EPG5: variants seen among roughly 807,000 people sequenced by gnomAD.
EPG5 encodes ectopic P granules protein 5 homolog.
Under a neutral mutation model 302.7 loss-of-function variants are expected in EPG5, and 159 were observed. That is an observed-to-expected ratio of 0.53 (90% CI 0.46 to 0.60). The LOEUF is 0.60. Ranked by LOEUF, EPG5 falls within the 20% of genes least tolerant of loss-of-function variation. The pLI is 0.00. For missense variants in EPG5, 2,896 were observed against 3,092.4 expected (o/e 0.94, Z 1.51); for synonymous variants, 1,158 against 1,136.8 (o/e 1.02, Z -0.37).
At chr18:45,927,448 A>G (rs527469255) in intron 13 of EPG5, among the ~76,000 whole-genome samples, 4 of 152,328 alleles carry the variant, frequency 2.6e-5, no homozygotes, top group Admixed American at 6.5e-5. Flanking sequence ...CAGCAATTCT[A>G]CTTCTCACAT....
Position 45,865,690 on chromosome 18 carries a change from C to T in EPG5, c.6691G>A (p.Gly2231Arg), listed in dbSNP as rs1568101761. The change falls in exon 39 of 44, where the codon GGA (glycine) becomes AGA (arginine). Residue 2231 changes from glycine (G) to arginine (R), a missense_variant. By Grantham distance (125) the Gly-to-Arg change is moderately radical (BLOSUM62 -2). Coordinates refer to ENST00000282041, the MANE Select transcript of EPG5 (RefSeq NM_020964.3). ...TCTAGGACTGCTAAGGTGATTTTTC[C>T]ATTTTGTTCCAGGGTGCTGAGGAAT... is the stretch of plus-strand genomic sequence containing the variant. Reference protein sequence around the residue: ...VQFLSTLEQNGKITLAVLEQE... With the variant: ...VQFLSTLEQNRKITLAVLEQE... 6 of 1,613,068 alleles carry T rather than the reference C, an allele frequency of 3.7e-6. No individual in the cohort carries two copies. Among genetic ancestry groups the T allele is most frequent in the Non-Finnish European group, 5.1e-6 (6 of 1,179,906 alleles).
At chr18:45,918,561 C>T (rs7234750) in intron 16 of EPG5, among the ~76,000 whole-genome samples, 38,918 of 151,866 alleles carry the variant, frequency 0.26, 6,041 homozygotes, top group African/African-American at 0.41. Flanking sequence ...ATCTCAAATA[C>T]GGAAAAAAAT....
chr18:45,810,379 C>T, the EPG5 span, among the ~76,000 whole-genome samples: 2 of 152,200 alleles, frequency 1.3e-5, no homozygotes, highest in South Asian at 4.1e-4. Flanking sequence ...CCAGCATCAT[C>T]CTAACACCAC....
At chr18:45,838,860 C>T in the EPG5 span, 2 of 1,580,316 alleles carry the variant, frequency 1.3e-6, no homozygotes. Context: ...CCGTGCGGAG[C>T]CCGCGTGAGG....
intron 6 of EPG5, 122 bp from the exon 7 acceptor site, chr18:45,946,890 G>C: frequency 1.3e-6 from 1 of 781,142 alleles, no homozygotes; most frequent in Non-Finnish European, 2.1e-6. Context: ...GTTTAAATTA[G>C]TGAATAAGAA....
At chr18:45,820,324 A>T in the EPG5 span, among the ~76,000 whole-genome samples, 4 of 152,162 alleles carry the variant, frequency 2.6e-5, no homozygotes, top group African/African-American at 7.2e-5. Flanking sequence ...ACCTCACTCA[A>T]GTTCCCCATG....
rs57761448 is a variant in EPG5 at position 45,852,660 on chromosome 18, C to T, written c.7558-11G>A. The T allele has an allele frequency of 0.11, 169,262 of 1,610,974 alleles. 9,480 individuals are homozygous for T. The highest frequency in any genetic ancestry group is 0.15 in the East Asian group (6,689 of 44,844). On this transcript the variant is annotated splice_polypyrimidine_tract_variant and intron_variant, in intron 43 of 43. Coordinates refer to ENST00000282041, the MANE Select transcript of EPG5 (RefSeq NM_020964.3). Reference sequence around the variant, plus strand: ...AAGAGCATTCAGAGCCTAAAAGACACGGAAGATGAGAGGGTTAACTCCATA... The same window carrying T: ...AAGAGCATTCAGAGCCTAAAAGACATGGAAGATGAGAGGGTTAACTCCATA...
chr18:45,935,365 A>G (rs1180053201), intron 10 of EPG5, among the ~76,000 whole-genome samples: 1 of 152,202 alleles, frequency 6.6e-6, no homozygotes, highest in Non-Finnish European at 1.5e-5. Context: ...CAACATGGTG[A>G]AACCCCATCT....
intron 14 of EPG5, 84 bp from the exon 15 acceptor site, chr18:45,923,471 T>G (rs2050200788): frequency 2.1e-6 from 3 of 1,412,968 alleles, no homozygotes; most frequent in African/African-American, 2.9e-5. Flanking sequence ...TTAGGCAGAA[T>G]AGTAACAAAG....
At chr18:45,855,235 C>T (rs1031303078) in intron 43 of EPG5, 7 of 186,676 alleles carry the variant, frequency 3.7e-5, no homozygotes, top group Admixed American at 1.7e-4. Context: ...ATCTTCTGTG[C>T]GAGATCCCAG....
At chr18:45,837,425 G>A in the EPG5 span, 1 of 1,391,224 alleles carries the variant, frequency 7.2e-7, no homozygotes, top group Non-Finnish European at 9.3e-7. Context: ...TTGGGGGAGC[G>A]TTTCCTGGGT....
intron 27 of EPG5, among the ~76,000 whole-genome samples, chr18:45,890,943 G>A (rs1359029614): frequency 2.0e-5 from 3 of 152,112 alleles, no homozygotes; most frequent in African/African-American, 7.2e-5. Context: ...TGGACTTACA[G>A]GTACAGCTGA....
chr18:45,923,184 A>C (rs940622733), intron 15 of EPG5, 84 bp downstream of exon 15: 7 of 1,432,072 alleles, frequency 4.9e-6, no homozygotes, highest in Non-Finnish European at 6.7e-6. Context: ...CCTAATGGTC[A>C]ATAGTATAAG....
intron 1 of EPG5, among the ~76,000 whole-genome samples, chr18:45,956,039 T>C (rs1428321180): frequency 6.6e-6 from 1 of 152,176 alleles, no homozygotes; most frequent in Non-Finnish European, 1.5e-5. Context: ...ATCTGCATAG[T>C]CTCAAAGTAT....
At chr18:45,927,591 TATACACACACACACAC>T (rs1374426389) in intron 13 of EPG5, among the ~76,000 whole-genome samples, 5 of 75,514 alleles carry the variant, frequency 6.6e-5, no homozygotes, top group African/African-American at 2.1e-4. Context: ...AACAAAAAGT[TATACACACACACACAC>T]ACACACACAC....
At chr18:45,965,489 G>C (rs1231146785) in intron 1 of EPG5, among the ~76,000 whole-genome samples, 1 of 152,106 alleles carries the variant, frequency 6.6e-6, no homozygotes, top group Non-Finnish European at 1.5e-5. Flanking sequence ...CATAATGAAA[G>C]AAATCCACAT....
intron 4 of EPG5, among the ~76,000 whole-genome samples, chr18:45,950,416 TC>T (rs2050881798): frequency 1.3e-5 from 2 of 152,188 alleles, no homozygotes; most frequent in Non-Finnish European, 2.9e-5. Context: ...TGAATAAGTC[TC>T]ACGAGATCTG....
intron 1 of EPG5, among the ~76,000 whole-genome samples, 153 bp downstream of exon 1, chr18:45,967,024 G>A (rs969574928): frequency 6.6e-6 from 1 of 152,304 alleles, no homozygotes; most frequent in Non-Finnish European, 1.5e-5. Flanking sequence ...AAGGGCCGGT[G>A]TCAACGGGTG....
rs760364143 is a variant in EPG5, at chr18:45,910,560, C to A, written c.4166G>T (p.Gly1389Val). The change falls in exon 23 of 44, where the codon GGT becomes GTT. Residue 1389 changes from glycine (G) to valine (V), a missense_variant. Transcript: ENST00000282041. ...GTGCAGTTCTGGTGAAGTCAGGTAA[C>A]CAGGGGTGCCAGAGTGGCTCTCTGG... ...GLPESHSGTP[G>V]YLTSPELHKE... is the part of the protein sequence containing the mutation. The A allele has an allele frequency of 1.9e-6, 3 of 1,613,240 alleles. No homozygotes were observed. The Admixed American group carries it at 5.0e-5, about 27-fold the overall frequency.
Sources: allele counts gnomAD v4.1 joint callset (sites outside exome capture counted in the v4.1 genomes callset), GRCh38; gene constraint gnomAD v4.1.1; transcripts MANE v1.5; gene names NCBI Gene and HGNC (gene_info 2026-07-23, HGNC 2026-07-21).